The following ANKMY2 variants were observed in gnomAD, a reference collection of about 807,000 sequenced individuals.
The protein encoded by ANKMY2 is ankyrin repeat and MYND domain containing 2, also known as ankyrin repeat and MYND domain-containing protein 2.
ANKMY2 carries 36 observed loss-of-function variants against 50.4 expected under a neutral mutation model. The ratio of observed to expected loss-of-function variants is 0.71; its 90% confidence interval spans 0.55 to 0.94. ANKMY2 has a LOEUF of 0.94. ANKMY2 is among the 40% of genes least tolerant of loss of function. The pLI, the probability that ANKMY2 is intolerant of heterozygous loss-of-function variation, is 0.00. For missense variants in ANKMY2, 565 were observed against 524.0 expected (o/e 1.08, Z -0.76); for synonymous variants, 187 against 178.8 (o/e 1.05, Z -0.36).
In ANKMY2 at chr7:16,613,443, C is replaced by T. The variant is rs566597033; in HGVS notation, c.531+2301G>A. 2.0e-5 allele frequency among the ~76,000 whole-genome samples: 3 copies of T among 152,124 alleles called. No individual in the cohort carries two copies. In the South Asian group the frequency reaches 6.2e-4, roughly 32 times the overall value. ...AAGCAACTGGGTGGCTTTTAGATCC[C>T]AAGGGTGGATAAAAGAAAAGGTTTC... On this transcript the variant is annotated intron_variant, in intron 5 of 9. Coordinates refer to ENST00000306999, the MANE Select transcript of ANKMY2 (RefSeq NM_020319.3).
intron 2 of ANKMY2, among the ~76,000 whole-genome samples, chr7:16,634,447 C>CG (rs1283582705): frequency 6.6e-6 from 1 of 152,026 alleles, no homozygotes; most frequent in Non-Finnish European, 1.5e-5. Context: ...TGCATTGAGG[C>CG]GATGGAGTTG....
chr7:16,600,365 T>G lies in ANKMY2; in HGVS notation c.*396A>C, dbSNP rs893790416. On this transcript the variant is annotated 3_prime_UTR_variant, in exon 10 of 10. Coordinates refer to ENST00000306999, the MANE Select transcript of ANKMY2 (RefSeq NM_020319.3). Reference sequence around the variant, plus strand: ...TAAGTTATGATTTTTCTAACTACCCTCTGTAGCTATAAATTTTTCCCTTCC... The same window carrying G: ...TAAGTTATGATTTTTCTAACTACCCGCTGTAGCTATAAATTTTTCCCTTCC... The G allele has an allele frequency of 6.4e-6, 1 of 155,494 alleles. No homozygotes were observed. The highest frequency in any genetic ancestry group is 2.4e-5 in the African/African-American group (1 of 41,566). The allele number at this position is 155,494 out of a possible 1,614,324, so 9.6% of individuals were successfully genotyped here.
In ANKMY2 at chr7:16,645,437, G is replaced by C. The variant is rs552337438; in HGVS notation, c.67+70C>G. On this transcript the variant is annotated intron_variant, in intron 1 of 9. Transcript: ENST00000306999. ...CAGCCAAAGGTCACCCAGGCCAGGA[G>C]CGCCCCCCGGGCTCCGCCACGCCCC... 6 of 1,467,654 alleles carry C rather than the reference G, an allele frequency of 4.1e-6. No individual in the cohort carries two copies. In the South Asian group the frequency reaches 5.3e-5, roughly 13 times the overall value. The allele number at this position is 1,467,654 out of a possible 1,614,324, so 90.9% of individuals were successfully genotyped here.
chr7:16,610,397 T>C, intron 6 of ANKMY2, 152 bp downstream of exon 6: 3 of 637,352 alleles, frequency 4.7e-6, no homozygotes, highest in Non-Finnish European at 5.4e-6. Flanking sequence ...ATAAGTATAA[T>C]ATTATTCTCT....
chr7:16,609,451 C>T lies in ANKMY2; in HGVS notation c.882+179G>A, dbSNP rs539303143. The stretch of plus-strand genomic sequence containing the variant: ...AACCATAATAAGGTAAGAAGAGGAT[C>T]GTGAGATGGGAAATAAATAAACAGG... On this transcript the variant is annotated intron_variant, in intron 7 of 9. Transcript: ENST00000306999. 4.7e-4 allele frequency among the ~76,000 whole-genome samples: 72 copies of T among 152,222 alleles called. 1 individual carries two copies. The South Asian group carries it at 5.8e-3, about 12-fold the overall frequency.
intron 5 of ANKMY2, among the ~76,000 whole-genome samples, chr7:16,615,374 A>G (rs1359921909): frequency 1.3e-5 from 2 of 152,138 alleles, no homozygotes; most frequent in Non-Finnish European, 2.9e-5. Context: ...ACTATGTGGG[A>G]GGCTGTCCTT....
intron 9 of ANKMY2, 45 bp from the exon 10 acceptor site, chr7:16,600,990 G>C (rs1346003177): frequency 6.8e-7 from 1 of 1,471,964 alleles, no homozygotes; most frequent in Non-Finnish European, 9.2e-7. Flanking sequence ...CCATGTGTCA[G>C]ACACTCTTCT....
At chr7:16,618,281 CCT>C in intron 4 of ANKMY2, among the ~76,000 whole-genome samples, 1 of 151,940 alleles carries the variant, frequency 6.6e-6, no homozygotes, top group Non-Finnish European at 1.5e-5. Context: ...TAACAGACAC[CCT>C]GTTTCAACAA....
chr7:16,633,643 T>A (rs2128345897), intron 2 of ANKMY2, among the ~76,000 whole-genome samples: 1 of 152,298 alleles, frequency 6.6e-6, no homozygotes, highest in East Asian at 1.9e-4. Context: ...CAAAGCTGTC[T>A]GAAATAAGCT....
intron 7 of ANKMY2, among the ~76,000 whole-genome samples, chr7:16,607,248 C>G (rs1318179700): frequency 6.6e-6 from 1 of 152,144 alleles, no homozygotes; most frequent in African/African-American, 2.4e-5. Flanking sequence ...CTTGATGACT[C>G]AGATCACTGG....
rs573480063 is a variant in ANKMY2, at chr7:16,605,121, T to C, written c.883-272A>G. ...ATCTAGAAAAAAAGTATTTTTCCAA[T>C]AAGGATAATTCAGTAAGCCCATAGC... On this transcript the variant is annotated intron_variant, in intron 7 of 9. Coordinates refer to ENST00000306999, the MANE Select transcript of ANKMY2 (RefSeq NM_020319.3). 2.6e-5 allele frequency among the ~76,000 whole-genome samples: 4 copies of C among 152,286 alleles called. No individual in the cohort carries two copies. In the South Asian group the frequency reaches 8.3e-4, roughly 32 times the overall value.
At chr7:16,602,629 A>ACATATTATGGTTT in intron 8 of ANKMY2, 120 bp from the exon 9 acceptor site, 4 of 1,274,810 alleles carry the variant, frequency 3.1e-6, no homozygotes, top group Non-Finnish European at 4.3e-6. Flanking sequence ...TTTTAAAACC[A>ACATATTATGGTTT]TAATATGTGG....
At chr7:16,610,452 C>CA in intron 6 of ANKMY2, 97 bp downstream of exon 6, 1 of 1,034,084 alleles carries the variant, frequency 9.7e-7, no homozygotes, top group Non-Finnish European at 1.4e-6. Flanking sequence ...CAATTGCTGC[C>CA]AAAATGTTTA....
intron 5 of ANKMY2, among the ~76,000 whole-genome samples, chr7:16,615,505 G>C (rs1781330046): frequency 6.6e-6 from 1 of 152,166 alleles, no homozygotes; most frequent in African/African-American, 2.4e-5. Context: ...CTAGGCTTCA[G>C]CAAACCCATC....
At chr7:16,618,004 T>G (rs1000384134) in intron 4 of ANKMY2, among the ~76,000 whole-genome samples, 1 of 149,180 alleles carries the variant, frequency 6.7e-6, no homozygotes, top group Non-Finnish European at 1.5e-5. Flanking sequence ...CTTGGCTCAC[T>G]GCAACCTCTG....
intron 4 of ANKMY2, among the ~76,000 whole-genome samples, chr7:16,618,121 T>G (rs1167053751): frequency 6.6e-6 from 1 of 151,920 alleles, no homozygotes; most frequent in Non-Finnish European, 1.5e-5. Context: ...AGATGGGGTT[T>G]CACTATGTTT....
intron 1 of ANKMY2, 50 bp from the exon 2 acceptor site, chr7:16,636,505 G>T: frequency 7.1e-7 from 1 of 1,405,958 alleles, no homozygotes; most frequent in Non-Finnish European, 9.7e-7. Context: ...ACTAGAATAA[G>T]AGAAAAATCT....
At chr7:16,616,573 C>T (rs57988707) in intron 4 of ANKMY2, among the ~76,000 whole-genome samples, 85,189 of 150,898 alleles carry the variant, frequency 0.56, 24,240 homozygotes, top group Admixed American at 0.67. Context: ...TCCTGCGGCG[C>T]CCCCCCCTCC....
intron 2 of ANKMY2, among the ~76,000 whole-genome samples, chr7:16,628,409 C>T (rs10486793): frequency 0.17 from 26,419 of 151,498 alleles, 2,601 homozygotes; most frequent in Middle Eastern, 0.26. Context: ...GTGGAAGCAA[C>T]GGACATTTCT....
Sources: allele counts gnomAD v4.1 joint callset (sites outside exome capture counted in the v4.1 genomes callset), GRCh38; gene constraint gnomAD v4.1.1; transcripts MANE v1.5; gene names NCBI Gene and HGNC (gene_info 2026-07-23, HGNC 2026-07-21).